The following EIF3A variants were observed in gnomAD, a reference collection of about 807,000 sequenced individuals.
The protein encoded by EIF3A is EIF3, p180 subunit.
A neutral mutation model predicts 186.6 loss-of-function variants in EIF3A; 21 were observed. The observed-to-expected ratio is 0.11, with a 90% CI of 0.08 to 0.16. The LOEUF is 0.16. EIF3A is among the 10% of genes least tolerant of loss of function. The pLI is 1.00. For synonymous variants in EIF3A, 563 were observed against 584.3 expected (o/e 0.96, Z 0.52); for missense variants, 1,306 against 1,796.3 (o/e 0.73, Z 4.93).
chr10:119,073,039 G>A lies in EIF3A; in HGVS notation c.392C>T (p.Ala131Val), dbSNP rs1173745561. Residue 131 changes from alanine (A) to valine (V), a missense_variant, in exon 4 of 22, where the codon GCT becomes GTT. By Grantham distance (64) the Ala-to-Val change is moderately conservative. Around this residue, in one of 8 missense-constraint regions of EIF3A, gnomAD observed 130 missense variants for 259.3 expected, o/e 0.50. Coordinates refer to ENST00000369144, the MANE Select transcript of EIF3A (RefSeq NM_003750.4). ...IQTPESVLLS[A>V]VSGEDTQDRT... ...ATCCTGAGTGTCTTCACCACTTACA[G>A]CACTTAGGAGAACACTACAAAGAAA... is the stretch of plus-strand genomic sequence containing the variant. The A allele has an allele frequency of 1.9e-6, 3 of 1,608,992 alleles. No homozygotes were observed. Among genetic ancestry groups the A allele is most frequent in the Non-Finnish European group, 2.5e-6 (3 of 1,178,738 alleles).
chr10:119,047,472 G>T (rs1448540819), intron 17 of EIF3A, among the ~76,000 whole-genome samples: 3 of 152,138 alleles, frequency 2.0e-5, no homozygotes, highest in Non-Finnish European at 2.9e-5. Flanking sequence ...GTGGGCAAGG[G>T]GGTGAGGCAT....
intron 17 of EIF3A, among the ~76,000 whole-genome samples, chr10:119,046,301 G>T (rs1432177343): frequency 3.3e-5 from 5 of 152,194 alleles, no homozygotes; most frequent in African/African-American, 1.2e-4. Context: ...CTGAAAAGAT[G>T]ATTTTGAACT....
intron 14 of EIF3A, among the ~76,000 whole-genome samples, chr10:119,051,681 T>G (rs897721040): frequency 6.6e-6 from 1 of 152,208 alleles, no homozygotes; most frequent in African/African-American, 2.4e-5. Context: ...GCAGATTTTT[T>G]GGTTATCCGA....
At chr10:119,071,254 T>C (rs1206114294) in intron 4 of EIF3A, among the ~76,000 whole-genome samples, 169 bp from the exon 5 acceptor site, 5 of 152,202 alleles carry the variant, frequency 3.3e-5, no homozygotes, top group Non-Finnish European at 5.9e-5. Flanking sequence ...GACTACCTTT[T>C]TGAGTGAGCC....
At chr10:119,074,114 T>C (rs74481504) in intron 1 of EIF3A, among the ~76,000 whole-genome samples, 177 bp from the exon 2 acceptor site, 5,560 of 149,830 alleles carry the variant, frequency 0.037, 289 homozygotes, top group African/African-American at 0.12. Flanking sequence ...CAGAAAGACC[T>C]GTACTGTGTT....
rs571002617 is a variant in EIF3A, at chr10:119,077,432, CAGAG to C, written c.49+3192_49+3195del. 9.2e-4 allele frequency among the ~76,000 whole-genome samples: 140 copies of C among 152,058 alleles called. 1 individual carries two copies. The highest frequency in any genetic ancestry group is 3.3e-3 in the African/African-American group (135 of 41,468). On this transcript the variant is annotated intron_variant, in intron 1 of 21. Transcript: ENST00000369144. ...TGCCACTGCACTCCAGCCTGGCCAA[CAGAG>C]AGAGATTCTGTCTCAAATAAATAAA...
At chr10:119,078,839 T>C (rs979421701) in intron 1 of EIF3A, among the ~76,000 whole-genome samples, 4 of 152,106 alleles carry the variant, frequency 2.6e-5, no homozygotes, top group Non-Finnish European at 5.9e-5. Flanking sequence ...CTTTTCTATA[T>C]GAAGTTCTTA....
At chr10:119,046,296 A>G (rs759805785) in intron 17 of EIF3A, among the ~76,000 whole-genome samples, 1 of 152,216 alleles carries the variant, frequency 6.6e-6, no homozygotes, top group Non-Finnish European at 1.5e-5. Flanking sequence ...TATTTCTGAA[A>G]AGATGATTTT....
At chr10:119,069,882 G>C (rs1234256456) in intron 5 of EIF3A, among the ~76,000 whole-genome samples, 1 of 152,176 alleles carries the variant, frequency 6.6e-6, no homozygotes. Context: ...GAAGTAGACA[G>C]AGCAGACTCA....
rs1295251146 is a variant in EIF3A, at chr10:119,042,484, C to T, written c.3036G>A (p.Ala1012=). 3.1e-6 allele frequency: 5 copies of T among 1,614,144 alleles called. No homozygotes were observed. Among genetic ancestry groups the T allele is most frequent in the East Asian group, 2.2e-5 (1 of 44,872 alleles). ...ADEDRGNWRH[A]DDDRPPRRGL... ...CTCGTCTAGGTGGTCTGTCATCATC[C>T]GCATGACGCCAGTTTCCCCTGTCTT... is the stretch of plus-strand genomic sequence containing the variant. The change falls in exon 19 of 22, where the codon GCG becomes GCA. Residue 1012 remains alanine, a synonymous_variant. Coordinates refer to ENST00000369144, the MANE Select transcript of EIF3A (RefSeq NM_003750.4). The surrounding 1 kb of genome is among the most constrained non-coding windows in gnomAD (Gnocchi z 7.8).
At chr10:119,059,551 T>C in intron 10 of EIF3A, 51 bp downstream of exon 10, 1 of 1,452,822 alleles carries the variant, frequency 6.9e-7, no homozygotes, top group Non-Finnish European at 9.6e-7. Context: ...AAGGTATGTG[T>C]CTTTCTAGCC....
At chr10:119,051,082 G>T in intron 15 of EIF3A, 117 bp downstream of exon 15, 2 of 860,256 alleles carry the variant, frequency 2.3e-6, no homozygotes, top group Non-Finnish European at 3.4e-6. Flanking sequence ...TCTATTATTT[G>T]AATGACCGTT....
chr10:119,077,613 G>A (rs933018133), intron 1 of EIF3A, among the ~76,000 whole-genome samples: 3 of 150,498 alleles, frequency 2.0e-5, no homozygotes, highest in African/African-American at 7.4e-5. Context: ...GGAGTGCAGT[G>A]GCGCAATCTC....
chr10:119,046,496 G>T (rs1264752820), intron 17 of EIF3A, among the ~76,000 whole-genome samples: 1 of 152,180 alleles, frequency 6.6e-6, no homozygotes, highest in African/African-American at 2.4e-5. Flanking sequence ...TAAAGTAACT[G>T]TTAAGTGAGT....
chr10:119,038,330 ATCTCTGTCCCTTTCTTTT>A lies in EIF3A; in HGVS notation c.3618_3635del (p.Glu1206_Arg1211del), dbSNP rs1848163849. 6.2e-7 allele frequency: 1 copy of A among 1,613,822 alleles called. No homozygotes were observed. The highest frequency in any genetic ancestry group is 1.7e-5 in the Admixed American group (1 of 59,974). On this transcript the variant is annotated inframe_deletion, in exon 20 of 22. Transcript: ENST00000369144. ...TGTCATTCTCCTCCCGATCTTGATT[ATCTCTGTCCCTTTCTTTT>A]TCTCTGTCCCATTCACGTTCTTCTG...
At chr10:119,075,386 T>A (rs542305510) in intron 1 of EIF3A, among the ~76,000 whole-genome samples, 2 of 152,290 alleles carry the variant, frequency 1.3e-5, no homozygotes, top group African/African-American at 4.8e-5. Context: ...TCAAAAGCAA[T>A]ACCTTTGCCA....
Position 119,080,551 on chromosome 10 carries a change from G to C in EIF3A, c.49+77C>G, listed in dbSNP as rs1844248449. ...CCCGCGCGGGCCGGGCGGCGGAGCA[G>C]TGGGAAGCAGGCCCGCGCTCTCGAC... On this transcript the variant is annotated intron_variant, in intron 1 of 21. Transcript: ENST00000369144. 8.0e-6 allele frequency: 12 copies of C among 1,503,246 alleles called. No homozygotes were observed. In the South Asian group the frequency reaches 1.4e-4, roughly 17 times the overall value. 93.1% of individuals were successfully genotyped at this position (1,503,246 alleles called of 1,614,324 possible).
At chr10:119,063,650 A>C (rs1843924986) in intron 7 of EIF3A, among the ~76,000 whole-genome samples, 1 of 152,182 alleles carries the variant, frequency 6.6e-6, no homozygotes, top group African/African-American at 2.4e-5. Flanking sequence ...TAACCAAGTC[A>C]GACTATTATG....
chr10:119,078,428 G>A (rs1564763519), intron 1 of EIF3A, among the ~76,000 whole-genome samples: 1 of 152,112 alleles, frequency 6.6e-6, no homozygotes, highest in Non-Finnish European at 1.5e-5. Context: ...CAATAAATTA[G>A]GTCTAAATAT....
Sources: allele counts gnomAD v4.1 joint callset (sites outside exome capture counted in the v4.1 genomes callset), GRCh38; gene constraint gnomAD v4.1.1; regional missense constraint gnomAD v4.1.1; non-coding constraint Gnocchi (gnomAD v3.1); transcripts MANE v1.5; gene names NCBI Gene and HGNC (gene_info 2026-07-23, HGNC 2026-07-21).